The following EIF4G1 variants were observed in gnomAD, a reference collection of about 807,000 sequenced individuals.
EIF4G1 encodes the protein eukaryotic translation initiation factor 4 gamma 1.
Under a neutral mutation model 187.8 loss-of-function variants are expected in EIF4G1, and 4 were observed. The ratio of observed to expected loss-of-function variants is 0.02; its 90% CI spans 0.01 to 0.05. EIF4G1 has a LOEUF of 0.05. Among genes scored for constraint, EIF4G1 ranks in the 10% least tolerant of loss-of-function variants. EIF4G1 has a pLI of 1.00. For synonymous variants in EIF4G1, 844 were observed against 781.4 expected (o/e 1.08, Z -1.34); for missense variants, 1,647 against 2,081.1 (o/e 0.79, Z 4.06).
At chr3:184,319,539 A>G (rs937200972) in intron 6 of EIF4G1, 150 bp from the exon 7 acceptor site, 3 of 669,628 alleles carry the variant, frequency 4.5e-6, no homozygotes, top group African/African-American at 3.6e-5. Context: ...ACAGACACCT[A>G]ATTCCCTGGG....
chr3:184,322,250 T>G, intron 10 of EIF4G1, 112 bp from the exon 11 acceptor site: 1 of 1,521,826 alleles, frequency 6.6e-7, no homozygotes, highest in African/African-American at 1.4e-5. Context: ...CTAAAAAGGG[T>G]GATGCAAAGG....
chr3:184,322,270 G>A (rs1724035910), intron 10 of EIF4G1, 92 bp from the exon 11 acceptor site: 2 of 1,526,970 alleles, frequency 1.3e-6, no homozygotes, highest in Non-Finnish European at 1.8e-6. Context: ...GGGAAATACT[G>A]TTCTTTGGCT....
At position 184,322,527 on chromosome 3, in the gene EIF4G1, A is replaced by G. The variant is rs1204950680; in HGVS notation, c.1609-17A>G. ...GTGGTCATTCTGCAACCAAAACTGG[A>G]TGTTCTGTTGTTCTAGGCGAACCCG... On this transcript the variant is annotated splice_polypyrimidine_tract_variant and intron_variant, in intron 11 of 32. Transcript: ENST00000346169. 1.2e-6 allele frequency: 2 copies of G among 1,614,028 alleles called. No individual in the cohort carries two copies. The highest frequency in any genetic ancestry group is 1.3e-5 in the African/African-American group (1 of 75,002).
rs1371214485 is a variant in EIF4G1, at chr3:184,321,978, A to G, written c.1394A>G (p.Glu465Gly). ...EEMEEEEEEE[E>G]GEAGEAGEAE... The stretch of plus-strand genomic sequence containing the variant: ...ATGGAAGAAGAAGAAGAAGAGGAAG[A>G]AGGAGAAGCAGGAGAAGCAGGAGAA... The change falls in exon 10 of 33, where the codon GAA (glutamate) becomes GGA (glycine). Residue 465 changes from glutamate to glycine, a missense_variant. Coordinates refer to ENST00000346169, the MANE Select transcript of EIF4G1 (RefSeq NM_198241.3). 10 of 1,614,016 alleles carry G rather than the reference A, an allele frequency of 6.2e-6. No individual in the cohort carries two copies. Among genetic ancestry groups the G allele is most frequent in the African/African-American group, 1.3e-5 (1 of 74,914 alleles).
intron 6 of EIF4G1, among the ~76,000 whole-genome samples, chr3:184,318,404 G>T (rs1279939205): frequency 6.6e-6 from 1 of 152,124 alleles, no homozygotes; most frequent in Admixed American, 6.5e-5. Flanking sequence ...ACTGCTTAAG[G>T]CCAGGAGTTT....
chr3:184,322,114 G>C lies in EIF4G1; in HGVS notation c.1519+11G>C. The C allele has an allele frequency of 3.1e-6, 5 of 1,614,102 alleles. No individual in the cohort carries two copies. Among genetic ancestry groups the C allele is most frequent in the Non-Finnish European group, 4.2e-6 (5 of 1,180,050 alleles). The stretch of plus-strand genomic sequence containing the variant: ...CAGCAGCCACTCAAGGTAAGGTGTG[G>C]TTGGACGGTAGAGGTAGGGCGGGCT... On this transcript the variant is annotated intron_variant, in intron 10 of 32. Transcript: ENST00000346169.
At chr3:184,316,669 C>T in intron 4 of EIF4G1, 1 of 1,579,636 alleles carries the variant, frequency 6.3e-7, no homozygotes, top group Non-Finnish European at 8.6e-7. Flanking sequence ...CCCGCCATCA[C>T]CTTGGGGGTA....
chr3:184,320,133 C>T (rs1455976212), intron 7 of EIF4G1, among the ~76,000 whole-genome samples: 2 of 151,614 alleles, frequency 1.3e-5, no homozygotes, highest in African/African-American at 2.4e-5. Context: ...TCCCCCCTGC[C>T]CCCCCAGTCC....
In EIF4G1 at chr3:184,321,980, G is replaced by A; in HGVS notation, c.1396G>A (p.Gly466Arg). Residue 466 changes from glycine to arginine, a missense_variant, in exon 10 of 33, where the codon GGA (glycine) becomes AGA (arginine). Around this residue, in one of 11 missense-constraint regions of EIF4G1, gnomAD observed 522 missense variants for 485.2 expected, o/e 1.08. Transcript: ENST00000346169. Reference protein sequence around the residue: ...EMEEEEEEEEGEAGEAGEAES... With the variant: ...EMEEEEEEEEREAGEAGEAES... ...GGAAGAAGAAGAAGAAGAGGAAGAAGGAGAAGCAGGAGAAGCAGGAGAAGC... is the reference window on the plus strand; with the variant it reads ...GGAAGAAGAAGAAGAAGAGGAAGAAAGAGAAGCAGGAGAAGCAGGAGAAGC... 6.5e-7 allele frequency: 1 copy of A among 1,543,148 alleles called. No homozygotes were observed. The highest frequency in any genetic ancestry group is 8.9e-7 in the Non-Finnish European group (1 of 1,118,514).
At chr3:184,319,862 C>T in intron 7 of EIF4G1, 61 bp downstream of exon 7, 1 of 1,216,846 alleles carries the variant, frequency 8.2e-7, no homozygotes, top group South Asian at 1.3e-5. Context: ...TCAGGTGCTG[C>T]TGGGACATTG....
chr3:184,325,635 C>T lies in EIF4G1; in HGVS notation c.3117C>T (p.Pro1039=). 6.2e-7 allele frequency: 1 copy of T among 1,614,146 alleles called. No individual in the cohort carries two copies. ...DKRRGGPPGP[P]ISRGLPLVDD... ...GTCGGGGCGGTCCTCCAGGCCCTCC[C>T]ATCAGTGAGTTCCAAGCTGGGATTG... Residue 1039 remains proline, a synonymous_variant, in exon 20 of 33, where the codon CCC becomes CCT. Coordinates refer to ENST00000346169, the MANE Select transcript of EIF4G1 (RefSeq NM_198241.3). The surrounding 1 kb of genome is among the most constrained non-coding windows in gnomAD (Gnocchi z 5.2).
chr3:184,329,061 C>CT (rs1448608511), intron 28 of EIF4G1, 71 bp downstream of exon 28: 1 of 1,553,802 alleles, frequency 6.4e-7, no homozygotes, highest in Admixed American at 1.7e-5. Flanking sequence ...GGCCCTGAAG[C>CT]TTCATGGTCC....
rs1308886005 is a variant in EIF4G1 at position 184,335,118 on chromosome 3, T to G, written c.*210T>G. 24 of 618,084 alleles carry G rather than the reference T, an allele frequency of 3.9e-5. No homozygotes were observed. The highest frequency in any genetic ancestry group is 2.8e-6 in the Non-Finnish European group (1 of 351,844). The allele number at this position is 618,084 out of a possible 1,614,324, so 38.3% of individuals were successfully genotyped here. ...CCGCCAGGTGTCCCTCTCCTCCCCCTGGGGCACAGAGATATATTATATATA... is the reference window on the plus strand; with the variant it reads ...CCGCCAGGTGTCCCTCTCCTCCCCCGGGGGCACAGAGATATATTATATATA... On this transcript the variant is annotated 3_prime_UTR_variant, in exon 33 of 33. Coordinates refer to ENST00000346169, the MANE Select transcript of EIF4G1 (RefSeq NM_198241.3).
In EIF4G1 at chr3:184,327,307, C is replaced by T. The variant is rs1297274326; in HGVS notation, c.3520C>T (p.Leu1174Phe). Reference sequence around the variant, plus strand: ...ACGGGGAGGGGACCGTGGGGACCGGCTTGATCGTGCGCGGACACCTGCTAC... The same window carrying T: ...ACGGGGAGGGGACCGTGGGGACCGGTTTGATCGTGCGCGGACACCTGCTAC... The part of the protein sequence containing the change: ...SERGGDRGDR[L>F]DRARTPATKR... The change falls in exon 24 of 33, where the codon CTT becomes TTT. Residue 1174 changes from leucine to phenylalanine, a missense_variant. Leu to Phe is a conservative substitution (Grantham distance 22). Transcript: ENST00000346169. The T allele has an allele frequency of 6.2e-7, 1 of 1,613,880 alleles. No individual in the cohort carries two copies. Among genetic ancestry groups the T allele is most frequent in the Admixed American group, 1.7e-5 (1 of 60,024 alleles).
rs748218714 is a variant in EIF4G1, at chr3:184,329,018, G to C, written c.4161+28G>C. ...GAGTGAGGGCCAGGAGTCCAGAGAT[G>C]CCTCCCACGGTGTGGTTTTGGCTGT... On this transcript the variant is annotated intron_variant, in intron 28 of 32. Transcript: ENST00000346169. 5.6e-6 allele frequency: 9 copies of C among 1,613,332 alleles called. No homozygotes were observed. In the South Asian group the frequency reaches 9.9e-5, roughly 18 times the overall value.
intron 29 of EIF4G1, 30 bp from the exon 30 acceptor site, chr3:184,331,442 C>A (rs1263617931): frequency 6.2e-7 from 1 of 1,614,022 alleles, no homozygotes; most frequent in African/African-American, 1.3e-5. Context: ...GGCAACCTTA[C>A]CTCTTAACTG....
chr3:184,331,919 G>A (rs1726191366), intron 31 of EIF4G1, 27 bp from the exon 32 acceptor site: 1 of 1,614,048 alleles, frequency 6.2e-7, no homozygotes, highest in African/African-American at 1.3e-5. Context: ...AGGGTATATT[G>A]CTCCACTCAT....
Position 184,316,141 on chromosome 3 carries a change from C to A in EIF4G1, c.70C>A (p.Pro24Thr). The A allele has an allele frequency of 6.2e-7, 1 of 1,614,152 alleles. No individual in the cohort carries two copies. The highest frequency in any genetic ancestry group is 8.5e-7 in the Non-Finnish European group (1 of 1,180,016). ...GGTCTCCCCTCTTCAGCCAGCGTTT[C>A]CCCCGGGGCAGACAGCGCCGGTGGT... ...PSPGLPQPAF[P>T]PGQTAPVVFS... is the part of the protein sequence containing the mutation. Residue 24 changes from proline to threonine, a missense_variant, in exon 4 of 33, where the codon CCC (proline) becomes ACC (threonine). By Grantham distance (38) the Pro-to-Thr change is conservative. Coordinates refer to ENST00000346169, the MANE Select transcript of EIF4G1 (RefSeq NM_198241.3).
At chr3:184,319,463 GTGTT>G (rs1463369986) in intron 6 of EIF4G1, among the ~76,000 whole-genome samples, 618 of 13,610 alleles carry the variant, frequency 0.045, 6 homozygotes, top group Middle Eastern at 0.19. Context: ...GTGTGTGTGT[GTGTT>G]TGTGTGTGTG....
Sources: gnomAD v4.1 joint callset for allele counts (sites outside exome capture counted in the v4.1 genomes callset) on GRCh38, gnomAD v4.1.1 for gene constraint, gnomAD v4.1.1 regional missense constraint, Gnocchi (gnomAD v3.1) non-coding constraint, MANE v1.5 for transcripts, NCBI Gene and HGNC (gene_info 2026-07-23, HGNC 2026-07-21) for gene names.